The following FBXW8 variants were observed in gnomAD, a reference collection of about 807,000 sequenced individuals.
The protein encoded by FBXW8 is F-box/WD repeat-containing protein 8.
FBXW8 carries 57 observed loss-of-function variants against 65.3 expected under a neutral mutation model. The ratio of observed to expected loss-of-function variants is 0.87; its 90% CI spans 0.71 to 1.09. FBXW8 has a LOEUF of 1.09. Among genes scored for constraint, FBXW8 ranks in the 50% least tolerant of loss-of-function variants. The probability of loss-of-function intolerance (pLI) is 0.00; values close to 1 mark genes in which losing one functional copy is unlikely to be tolerated. For synonymous variants in FBXW8, 308 were observed against 330.2 expected (o/e 0.93, Z 0.73); for missense variants, 777 against 814.8 (o/e 0.95, Z 0.57).
chr12:116,972,854 G>GA (rs2137408373), intron 5 of FBXW8, among the ~76,000 whole-genome samples: 1 of 152,318 alleles, frequency 6.6e-6, no homozygotes, highest in African/African-American at 2.4e-5. Context: ...TGTTTGCTGA[G>GA]AAGGTGTAAG....
chr12:116,916,889 CGTGT>C (rs71443002), intron 1 of FBXW8, among the ~76,000 whole-genome samples: 17 of 146,390 alleles, frequency 1.2e-4, no homozygotes, highest in African/African-American at 3.5e-4. Flanking sequence ...GCTAATTGTG[CGTGT>C]GTGTGTGTGT....
At chr12:116,951,727 T>G (rs1883299092) in intron 4 of FBXW8, among the ~76,000 whole-genome samples, 1 of 152,220 alleles carries the variant, frequency 6.6e-6, no homozygotes, top group Non-Finnish European at 1.5e-5. Flanking sequence ...CCATGCTGCA[T>G]AGGCCCAGAC....
chr12:116,986,967 T>C (rs955367195), intron 6 of FBXW8: 1 of 152,258 alleles, frequency 6.6e-6, no homozygotes, highest in African/African-American at 2.4e-5. Context: ...GCGGGTTTTA[T>C]GCACGTTTTA....
Position 117,028,787 on chromosome 12 carries a change from G to T in FBXW8, c.*615G>T, listed in dbSNP as rs1954297953. 6.5e-6 allele frequency: 1 copy of T among 153,046 alleles called. No individual in the cohort carries two copies. Among genetic ancestry groups the T allele is most frequent in the Non-Finnish European group, 1.5e-5 (1 of 68,732 alleles). 9.5% of individuals were successfully genotyped at this position (153,046 alleles called of 1,614,324 possible). A position where few individuals can be genotyped will look rare whatever the true frequency, so the allele number is the denominator to read the frequency against. On this transcript the variant is annotated 3_prime_UTR_variant, in exon 11 of 11. Transcript: ENST00000652555. This position sits in a 1 kb window ranked among gnomAD's most constrained non-coding sequence, Gnocchi z 4.1. ...ATCAATGACTATTTTGCTTACTATT[G>T]TGTCTATGATATGTGATACAAAGCA...
intron 5 of FBXW8, among the ~76,000 whole-genome samples, chr12:116,976,538 C>T (rs185446268): frequency 6.8e-6 from 1 of 147,774 alleles, no homozygotes; most frequent in Admixed American, 6.8e-5. Context: ...TCGCTGCAAC[C>T]TCCACCTCCC....
At chr12:116,980,498 G>T (rs1885232434) in intron 5 of FBXW8, 1 of 152,136 alleles carries the variant, frequency 6.6e-6, no homozygotes, top group South Asian at 2.1e-4. Context: ...TTACCATAGG[G>T]CATAGAGAGG....
chr12:116,969,828 T>A (rs1884545183), intron 5 of FBXW8, among the ~76,000 whole-genome samples: 1 of 151,926 alleles, frequency 6.6e-6, no homozygotes, highest in Admixed American at 6.6e-5. Flanking sequence ...TACATGCACC[T>A]GGGGTGTTGA....
intron 4 of FBXW8, among the ~76,000 whole-genome samples, chr12:116,952,545 G>A (rs1244429842): frequency 6.6e-6 from 1 of 152,108 alleles, no homozygotes; most frequent in Non-Finnish European, 1.5e-5. Flanking sequence ...GTAGCCTAGC[G>A]TCCATTCTTC....
intron 9 of FBXW8, 118 bp downstream of exon 9, chr12:117,024,438 A>C: frequency 8.5e-7 from 1 of 1,170,102 alleles, no homozygotes; most frequent in Non-Finnish European, 1.2e-6. Flanking sequence ...CGCCAGGTGA[A>C]TCCTTACTGT....
chr12:116,970,317 C>T (rs77798354), intron 5 of FBXW8, among the ~76,000 whole-genome samples: 3,300 of 152,292 alleles, frequency 0.022, 116 homozygotes, highest in African/African-American at 0.075. Context: ...GAAGCCTGGA[C>T]GGGACAGCCA....
At chr12:116,918,710 C>T (rs538496364) in intron 1 of FBXW8, among the ~76,000 whole-genome samples, 3 of 152,308 alleles carry the variant, frequency 2.0e-5, no homozygotes, top group South Asian at 4.1e-4. Context: ...ATCCATTGCC[C>T]ATTCCTGAAG....
At chr12:117,007,138 G>A (rs1953694658) in intron 7 of FBXW8, among the ~76,000 whole-genome samples, 1 of 152,098 alleles carries the variant, frequency 6.6e-6, no homozygotes, top group Non-Finnish European at 1.5e-5. Flanking sequence ...GTTGTAAGAT[G>A]TATCATATTT....
intron 1 of FBXW8, among the ~76,000 whole-genome samples, chr12:116,916,911 T>TGAGAGAGA (rs112182660): frequency 2.1e-5 from 3 of 145,620 alleles, no homozygotes; most frequent in South Asian, 2.2e-4. Context: ...TGTGTGTGTG[T>TGAGAGAGA]GAGAGAGAGA....
At chr12:116,928,871 G>T (rs1434762465) in intron 2 of FBXW8, among the ~76,000 whole-genome samples, 1 of 151,956 alleles carries the variant, frequency 6.6e-6, no homozygotes, top group African/African-American at 2.4e-5. Flanking sequence ...AGTGCAGTGG[G>T]ACGATCTTGG....
chr12:116,945,500 A>C lies in FBXW8; in HGVS notation c.560A>C (p.Lys187Thr). The C allele has an allele frequency of 6.2e-7, 1 of 1,614,176 alleles. No homozygotes were observed. Among genetic ancestry groups the C allele is most frequent in the Non-Finnish European group, 8.5e-7 (1 of 1,180,022 alleles). The change falls in exon 3 of 11, where the codon AAG becomes ACG. Residue 187 changes from lysine (K) to threonine (T), a missense_variant. Physicochemically the swap from Lys to Thr is moderately conservative, Grantham distance 78 (BLOSUM62 -1). Transcript: ENST00000652555. ...CTCATCTTCCAAGAGTGCCGAGCCA[A>C]GGAACACATGTTACGAACCAACTGG... is the stretch of plus-strand genomic sequence containing the variant. ...WKLIFQECRAKEHMLRTNWKN... is the reference protein window; with the variant it reads ...WKLIFQECRATEHMLRTNWKN...
At position 116,997,670 on chromosome 12, in the gene FBXW8, C is replaced by T. The variant is rs191661364; in HGVS notation, c.1239+8801C>T. Among the ~76,000 whole-genome samples the T allele has an allele frequency of 2.7e-3, 404 of 152,296 alleles. 1 individual carries two copies. The highest frequency in any genetic ancestry group is 8.1e-3 in the African/African-American group (336 of 41,552). ...GGCCTGTGGAAGGGGGTTCCATCGGCTGGAAGCAGCACCAGGTATATTCAG... is the reference window on the plus strand; with the variant it reads ...GGCCTGTGGAAGGGGGTTCCATCGGTTGGAAGCAGCACCAGGTATATTCAG... On this transcript the variant is annotated intron_variant, in intron 7 of 10. Transcript: ENST00000652555.
At chr12:116,926,714 C>G (rs969625702) in intron 1 of FBXW8, among the ~76,000 whole-genome samples, 2 of 152,284 alleles carry the variant, frequency 1.3e-5, no homozygotes, top group Admixed American at 6.5e-5. Flanking sequence ...TCTTTGCCCA[C>G]AGAGAGCTGT....
chr12:116,984,761 C>T (rs900143956), intron 5 of FBXW8, among the ~76,000 whole-genome samples: 1 of 152,118 alleles, frequency 6.6e-6, no homozygotes, highest in East Asian at 1.9e-4. Context: ...GAGGCAGAGG[C>T]AGGAAGATTG....
intron 7 of FBXW8, among the ~76,000 whole-genome samples, chr12:116,991,136 G>T (rs971393184): frequency 6.6e-6 from 1 of 151,738 alleles, no homozygotes. Context: ...TATTTTGTGA[G>T]CATAGCACCA....
Sources: gnomAD v4.1 joint callset for allele counts (sites outside exome capture counted in the v4.1 genomes callset) on GRCh38, gnomAD v4.1.1 for gene constraint, Gnocchi (gnomAD v3.1) non-coding constraint, MANE v1.5 for transcripts, NCBI Gene and HGNC (gene_info 2026-07-23, HGNC 2026-07-21) for gene names.